SIMC1: variants seen among roughly 807,000 people sequenced by gnomAD.
SIMC1 encodes SUMO interacting motifs containing 1, also known as SUMO-interacting motif-containing protein 1.
A neutral mutation model predicts 82.3 loss-of-function variants in SIMC1; 55 were observed. The observed-to-expected ratio is 0.67, with a 90% confidence interval of 0.54 to 0.84. The LOEUF (loss-of-function observed/expected upper bound fraction) is 0.84. Among genes scored for constraint, SIMC1 ranks in the 40% least tolerant of loss-of-function variants. The probability of loss-of-function intolerance (pLI) is 0.00; values close to 1 mark genes in which losing one functional copy is unlikely to be tolerated. For missense variants in SIMC1, 915 were observed against 1,107.2 expected (o/e 0.83, Z 2.46); for synonymous variants, 353 against 426.3 (o/e 0.83, Z 2.12).
intron 4 of SIMC1, chr5:176,304,380 G>C (rs1460896220): frequency 5.9e-6 from 1 of 169,960 alleles, no homozygotes; most frequent in African/African-American, 2.4e-5. Context: ...GTGGAGACGG[G>C]GTTTCGCTGT....
chr5:176,252,239 A>G (rs1430817122), intron 1 of SIMC1, among the ~76,000 whole-genome samples: 1 of 143,746 alleles, frequency 7.0e-6, no homozygotes, highest in African/African-American at 2.6e-5. Flanking sequence ...TCCCTCCCGG[A>G]CGGGGCGGCT....
intron 4 of SIMC1, among the ~76,000 whole-genome samples, chr5:176,300,544 A>C (rs534969939): frequency 6.7e-6 from 1 of 149,558 alleles, no homozygotes; most frequent in South Asian, 2.1e-4. Context: ...CTGGTCTTGA[A>C]CTCTTGGCCT....
chr5:176,291,159 CT>C lies in SIMC1; in HGVS notation c.1431+226del, dbSNP rs1173030195. ...CCCACGCTTAAAAACTGTCACTTTA[CT>C]TTTTTTTTTTTTTTTTTTTTTGAGA... On this transcript the variant is annotated intron_variant, in intron 2 of 9. Coordinates refer to ENST00000429602, the MANE Select transcript of SIMC1 (RefSeq NM_001308195.2). Among the ~76,000 whole-genome samples the C allele has an allele frequency of 3.5e-3, 306 of 88,492 alleles. 1 individual carries two copies. Among genetic ancestry groups the C allele is most frequent in the Middle Eastern group, 0.03 (3 of 100 alleles). 58.1% of individuals were successfully genotyped at this position (88,492 alleles called of 152,430 possible).
At chr5:176,313,359 A>G (rs1414303460) in intron 4 of SIMC1, 1 of 1,505,872 alleles carries the variant, frequency 6.6e-7, no homozygotes, top group African/African-American at 1.4e-5. Flanking sequence ...AATGATCTAC[A>G]ATCCTAGAGA....
At chr5:176,291,810 T>G (rs1456162446) in intron 2 of SIMC1, among the ~76,000 whole-genome samples, 1 of 152,188 alleles carries the variant, frequency 6.6e-6, no homozygotes, top group Non-Finnish European at 1.5e-5. Flanking sequence ...TTAGCTTTCC[T>G]ATCTGTAAAA....
At chr5:176,282,748 C>T (rs1164027170) in intron 1 of SIMC1, among the ~76,000 whole-genome samples, 1 of 152,168 alleles carries the variant, frequency 6.6e-6, no homozygotes, top group African/African-American at 2.4e-5. Flanking sequence ...CATGTTTGAA[C>T]CCATCGCAAA....
intron 1 of SIMC1, among the ~76,000 whole-genome samples, chr5:176,289,154 C>T (rs1163434415): frequency 1.3e-5 from 2 of 152,148 alleles, no homozygotes; most frequent in African/African-American, 2.4e-5. Flanking sequence ...AGGTAGATAA[C>T]CTAACCCCTC....
intron 4 of SIMC1, among the ~76,000 whole-genome samples, chr5:176,303,687 A>G (rs1764142458): frequency 6.6e-6 from 1 of 152,178 alleles, no homozygotes. Context: ...GTAAAATATA[A>G]AGCTACAGTA....
In SIMC1 at chr5:176,266,216, A is replaced by G. The variant is rs10463054; in HGVS notation, c.130-23438A>G. On this transcript the variant is annotated intron_variant, in intron 1 of 9. Coordinates refer to ENST00000429602, the MANE Select transcript of SIMC1 (RefSeq NM_001308195.2). ...GCTTTTTTAACTGATTGCATTCCCCAGTCATTTGCAACTTGGGTGGCAGAA... is the reference window on the plus strand; with the variant it reads ...GCTTTTTTAACTGATTGCATTCCCCGGTCATTTGCAACTTGGGTGGCAGAA... Among the ~76,000 whole-genome samples, 19 of 152,260 alleles carry G rather than the reference A, an allele frequency of 1.2e-4. No individual in the cohort carries two copies. In the East Asian group the frequency reaches 3.3e-3, roughly 26 times the overall value.
chr5:176,270,757 G>A (rs1226808434), intron 1 of SIMC1, among the ~76,000 whole-genome samples: 3 of 152,222 alleles, frequency 2.0e-5, no homozygotes, highest in Non-Finnish European at 4.4e-5. Context: ...AATTTGGCCA[G>A]TGCCCACAGC....
intron 4 of SIMC1, chr5:176,308,357 TGCA>T: frequency 6.5e-7 from 1 of 1,545,704 alleles, no homozygotes; most frequent in Non-Finnish European, 8.9e-7. Flanking sequence ...GGCAGCTGTC[TGCA>T]GCTTCAACAG....
At chr5:176,287,400 G>A (rs188092911) in intron 1 of SIMC1, among the ~76,000 whole-genome samples, 71 of 152,280 alleles carry the variant, frequency 4.7e-4, no homozygotes, top group African/African-American at 1.6e-3. Context: ...AACACTGCAT[G>A]TTCTCACTCA....
chr5:176,253,035 A>G (rs1761737325), intron 1 of SIMC1, among the ~76,000 whole-genome samples: 1 of 152,208 alleles, frequency 6.6e-6, no homozygotes, highest in Non-Finnish European at 1.5e-5. Flanking sequence ...GGCACTCAGC[A>G]GGCTGAGGCA....
At chr5:176,291,960 G>A (rs1227183969) in intron 2 of SIMC1, among the ~76,000 whole-genome samples, 11 of 152,146 alleles carry the variant, frequency 7.2e-5, no homozygotes, top group Non-Finnish European at 1.0e-4. Flanking sequence ...GGAGGCTGAG[G>A]CAGGAGAATC....
At chr5:176,306,729 G>A (rs1231121405) in intron 4 of SIMC1, among the ~76,000 whole-genome samples, 1 of 151,238 alleles carries the variant, frequency 6.6e-6, no homozygotes. Flanking sequence ...CTCGTTAAGA[G>A]TCATCACCAA....
At chr5:176,243,156 A>C (rs974380265) in intron 1 of SIMC1, among the ~76,000 whole-genome samples, 1 of 152,122 alleles carries the variant, frequency 6.6e-6, no homozygotes, top group Non-Finnish European at 1.5e-5. Flanking sequence ...AGAACAGTAT[A>C]ATAGTAACTT....
chr5:176,325,973 G>T (rs1467971852), intron 7 of SIMC1, among the ~76,000 whole-genome samples: 2 of 152,212 alleles, frequency 1.3e-5, no homozygotes, highest in Non-Finnish European at 1.5e-5. Context: ...AAGGGATAAA[G>T]AAATGGTTTT....
At chr5:176,241,257 G>A (rs2113092556) in intron 1 of SIMC1, among the ~76,000 whole-genome samples, 1 of 78,578 alleles carries the variant, frequency 1.3e-5, no homozygotes, top group South Asian at 4.4e-4. Flanking sequence ...TTTTATAAAT[G>A]TATAAAGAAG....
intron 6 of SIMC1, among the ~76,000 whole-genome samples, chr5:176,323,944 C>T (rs1376082344): frequency 6.0e-5 from 9 of 150,726 alleles, no homozygotes; most frequent in East Asian, 2.0e-4. Context: ...GCCAAGATCG[C>T]GCCACAGCAC....
Sources: gnomAD v4.1 joint callset for allele counts (sites outside exome capture counted in the v4.1 genomes callset) on GRCh38, gnomAD v4.1.1 for gene constraint, MANE v1.5 for transcripts, NCBI Gene and HGNC (gene_info 2026-07-23, HGNC 2026-07-21) for gene names.